UBE2F: variants seen among roughly 807,000 people sequenced by gnomAD.
UBE2F encodes NEDD8-conjugating enzyme UBE2F.
UBE2F carries 5 observed loss-of-function variants against 29.6 expected under a neutral mutation model. That is an observed-to-expected ratio of 0.17 (90% confidence interval 0.09 to 0.36). The LOEUF (loss-of-function observed/expected upper bound fraction) is 0.36, where lower values mean the gene tolerates loss of function less well. Ranked by LOEUF, UBE2F falls within the 10% of genes least tolerant of loss-of-function variation. UBE2F has a pLI of 1.00. For synonymous variants in UBE2F, 66 were observed against 81.8 expected, an observed-to-expected ratio of 0.81 and a Z score of 1.04; for missense variants, 141 against 228.5, an observed-to-expected ratio of 0.62 and a Z score of 2.47.
intron 7 of UBE2F, among the ~76,000 whole-genome samples, chr2:238,031,679 TC>T (rs1289939683): frequency 6.6e-6 from 1 of 152,238 alleles, no homozygotes; most frequent in Non-Finnish European, 1.5e-5. Flanking sequence ...ATAGAACAAC[TC>T]TGGCTTTCAG....
intron 2 of UBE2F, among the ~76,000 whole-genome samples, chr2:237,980,921 G>A (rs1559202410): frequency 6.6e-6 from 1 of 152,190 alleles, no homozygotes; most frequent in African/African-American, 2.4e-5. Context: ...CTGTGTGGGG[G>A]CCTCTGTGGT....
intron 5 of UBE2F, among the ~76,000 whole-genome samples, chr2:238,022,341 A>G (rs189392888): frequency 6.6e-6 from 1 of 151,918 alleles, no homozygotes; most frequent in Non-Finnish European, 1.5e-5. Context: ...TATATTTTTT[A>G]TGAGCTGCTA....
intron 1 of UBE2F, among the ~76,000 whole-genome samples, chr2:237,972,465 C>T (rs774910630): frequency 7.9e-5 from 12 of 151,970 alleles, no homozygotes; most frequent in East Asian, 5.8e-4. Context: ...TTGTGTTCCA[C>T]GGGAGCTTTG....
At position 238,040,671 on chromosome 2, in the gene UBE2F, C is replaced by G. The variant is rs899035098; in HGVS notation, c.508-617C>G. Among the ~76,000 whole-genome samples, 3 of 152,140 alleles carry G rather than the reference C, an allele frequency of 2.0e-5. No individual in the cohort carries two copies. The highest frequency in any genetic ancestry group is 2.0e-4 in the Admixed American group (3 of 15,282). On this transcript the variant is annotated intron_variant, in intron 9 of 9. Coordinates refer to ENST00000272930, the MANE Select transcript of UBE2F (RefSeq NM_080678.3). The surrounding 1 kb of genome is among the most constrained non-coding windows in gnomAD (Gnocchi z 4.4). The stretch of plus-strand genomic sequence containing the variant: ...GTGGCCCAGATCCGAGAAGATTGTT[C>G]CACCCATACTGGCCTGGGGTGATTC...
rs1227215716 is a variant in UBE2F at position 237,982,273 on chromosome 2, A to G, written c.119-5690A>G. ...GAGTGCCTCTTGCTCCCGCACCCCT[A>G]TCCCCGTAGGAGAAGGGGCCTGGCT... On this transcript the variant is annotated intron_variant, in intron 2 of 9. Transcript: ENST00000272930. This position sits in a 1 kb window ranked among gnomAD's most constrained non-coding sequence, Gnocchi z 4.1. Among the ~76,000 whole-genome samples the G allele has an allele frequency of 1.3e-5, 2 of 151,812 alleles. No individual in the cohort carries two copies. The highest frequency in any genetic ancestry group is 4.8e-5 in the African/African-American group (2 of 41,320).
In UBE2F at chr2:237,967,493, C is replaced by G. The variant is rs1174558240; in HGVS notation, c.-17+361C>G. Among the ~76,000 whole-genome samples the G allele has an allele frequency of 1.3e-5, 2 of 152,104 alleles. No homozygotes were observed. Among genetic ancestry groups the G allele is most frequent in the East Asian group, 3.9e-4 (2 of 5,180 alleles). ...GGCACAGACCTGGCCGCGCTCACGC[C>G]CCACTCGCGGGATCGGCTGCCTGCC... is the stretch of plus-strand genomic sequence containing the variant. On this transcript the variant is annotated intron_variant, in intron 1 of 9. Coordinates refer to ENST00000272930, the MANE Select transcript of UBE2F (RefSeq NM_080678.3). The surrounding 1 kb of genome is among the most constrained non-coding windows in gnomAD (Gnocchi z 6.3).
chr2:238,032,160 GGTTTAA>G, intron 7 of UBE2F, 56 bp from the exon 8 acceptor site: 1 of 1,334,254 alleles, frequency 7.5e-7, no homozygotes. Flanking sequence ...CTTGATCATG[GGTTTAA>G]AAGACTAGGT....
chr2:238,005,905 T>C (rs1031237518), intron 4 of UBE2F, among the ~76,000 whole-genome samples: 1 of 152,236 alleles, frequency 6.6e-6, no homozygotes, highest in Non-Finnish European at 1.5e-5. Context: ...CCTTTACTTT[T>C]CCACATACAC....
At chr2:237,976,132 G>A (rs2063278629) in intron 2 of UBE2F, among the ~76,000 whole-genome samples, 1 of 152,226 alleles carries the variant, frequency 6.6e-6, no homozygotes, top group Non-Finnish European at 1.5e-5. Flanking sequence ...CCAGAGGGCG[G>A]GGCAAGAGCT....
At chr2:238,026,287 T>G (rs1335994199) in intron 6 of UBE2F, among the ~76,000 whole-genome samples, 4 of 152,244 alleles carry the variant, frequency 2.6e-5, no homozygotes, top group African/African-American at 9.6e-5. Context: ...CTCCTACTTT[T>G]GACATGAAAT....
At chr2:238,025,953 C>T (rs1019526900) in intron 6 of UBE2F, among the ~76,000 whole-genome samples, 2 of 152,210 alleles carry the variant, frequency 1.3e-5, no homozygotes, top group African/African-American at 4.8e-5. Context: ...CTGGCATGGG[C>T]AGAACGTCAG....
intron 2 of UBE2F, among the ~76,000 whole-genome samples, chr2:237,978,274 G>A (rs568719267): frequency 7.2e-5 from 11 of 152,342 alleles, no homozygotes; most frequent in Middle Eastern, 3.4e-3. Context: ...TCTGGGTGCT[G>A]CTGCATCACA....
chr2:237,968,952 A>G (rs932048721), intron 1 of UBE2F: 4 of 549,214 alleles, frequency 7.3e-6, no homozygotes, highest in Non-Finnish European at 9.3e-6. Context: ...TTACTTTTTG[A>G]TAGAATCCTT....
At chr2:238,025,020 C>T (rs904539732) in intron 5 of UBE2F, among the ~76,000 whole-genome samples, 2 of 152,128 alleles carry the variant, frequency 1.3e-5, no homozygotes, top group Non-Finnish European at 2.9e-5. Context: ...AGTCCCAAAC[C>T]CAGGGGGTGT....
At chr2:237,992,585 A>T (rs1030551347) in intron 3 of UBE2F, among the ~76,000 whole-genome samples, 1 of 152,224 alleles carries the variant, frequency 6.6e-6, no homozygotes, top group Admixed American at 6.5e-5. Flanking sequence ...CTGCTTGTAT[A>T]TACAGGTGTC....
intron 1 of UBE2F, among the ~76,000 whole-genome samples, chr2:237,970,634 G>A (rs577304466): frequency 1.3e-5 from 2 of 152,328 alleles, no homozygotes; most frequent in South Asian, 2.1e-4. Context: ...GTATGTGTAT[G>A]TCCGTGTCCT....
intron 4 of UBE2F, among the ~76,000 whole-genome samples, chr2:238,001,645 G>A (rs1258552148): frequency 6.6e-6 from 1 of 151,818 alleles, no homozygotes; most frequent in African/African-American, 2.4e-5. Flanking sequence ...GTGAAACCCC[G>A]TCTCTCCTAA....
At chr2:237,983,547 A>G (rs76993146) in intron 2 of UBE2F, among the ~76,000 whole-genome samples, 1 of 152,168 alleles carries the variant, frequency 6.6e-6, no homozygotes, top group Non-Finnish European at 1.5e-5. Flanking sequence ...CCTGAGCCTC[A>G]GAGTAGAGCC....
chr2:237,996,425 T>C (rs770318351), intron 4 of UBE2F, among the ~76,000 whole-genome samples: 1 of 152,066 alleles, frequency 6.6e-6, no homozygotes, highest in East Asian at 1.9e-4. Flanking sequence ...TGTCATGTGA[T>C]TGGGTTTCTG....
Sources: gnomAD v4.1 joint callset for allele counts (sites outside exome capture counted in the v4.1 genomes callset) on GRCh38, gnomAD v4.1.1 for gene constraint, Gnocchi (gnomAD v3.1) non-coding constraint, MANE v1.5 for transcripts, NCBI Gene and HGNC (gene_info 2026-07-23, HGNC 2026-07-21) for gene names.